The following ROBO1 variants were observed in gnomAD, a reference collection of about 807,000 sequenced individuals.
The protein encoded by ROBO1 is roundabout homolog 1.
Under a neutral mutation model 195.9 loss-of-function variants are expected in ROBO1, and 149 were observed. The ratio of observed to expected loss-of-function variants is 0.76; its 90% confidence interval spans 0.67 to 0.87. The LOEUF (loss-of-function observed/expected upper bound fraction) is 0.87, where lower values mean the gene tolerates loss of function less well. Among genes scored for constraint, ROBO1 ranks in the 40% least tolerant of loss-of-function variants. ROBO1 has a pLI of 0.00. For synonymous variants in ROBO1, 816 were observed against 733.2 expected, an observed-to-expected ratio of 1.11 and a Z score of -1.82; for missense variants, 1,933 against 2,068.3, an observed-to-expected ratio of 0.93 and a Z score of 1.27.
intron 4 of ROBO1, among the ~76,000 whole-genome samples, chr3:78,921,793 C>CTT (rs749601936): frequency 7.0e-6 from 1 of 141,990 alleles, no homozygotes; most frequent in African/African-American, 2.6e-5. Context: ...TCTAACAATC[C>CTT]TTTTTTTTTT....
intron 4 of ROBO1, among the ~76,000 whole-genome samples, chr3:78,881,099 A>G (rs2036151830): frequency 1.3e-5 from 2 of 152,198 alleles, no homozygotes; most frequent in Admixed American, 1.3e-4. Context: ...TATTCAGCTC[A>G]GTAGTGGTTG....
At chr3:78,682,701 CA>C (rs1399504383) in intron 10 of ROBO1, among the ~76,000 whole-genome samples, 4 of 145,018 alleles carry the variant, frequency 2.8e-5, no homozygotes, top group Admixed American at 2.1e-4. Flanking sequence ...ACAGTAATAT[CA>C]AAAAATATAT....
chr3:79,716,856 G>T (rs1368320085), intron 1 of ROBO1, among the ~76,000 whole-genome samples: 4 of 151,968 alleles, frequency 2.6e-5, no homozygotes, highest in African/African-American at 9.7e-5. Flanking sequence ...ATGACATTTT[G>T]TTGATAAGGG....
At chr3:79,204,029 T>C (rs1576810735) in intron 2 of ROBO1, among the ~76,000 whole-genome samples, 1 of 152,220 alleles carries the variant, frequency 6.6e-6, no homozygotes, top group South Asian at 2.1e-4. Context: ...ATATTTGTTA[T>C]GGATTTGATA....
Position 79,600,926 on chromosome 3 carries a change from T to C in ROBO1, c.-50-10965A>G, listed in dbSNP as rs565600105. Among the ~76,000 whole-genome samples the C allele has an allele frequency of 5.4e-4, 82 of 152,084 alleles. No individual in the cohort carries two copies. The South Asian group carries it at 0.016, about 30-fold the overall frequency. On this transcript the variant is annotated intron_variant, in intron 1 of 30. Transcript: ENST00000464233. ...TTATTTGACAACTTACTATGCACCATCCTAAGATACAAAAATGAATGACAG... is the reference window on the plus strand; with the variant it reads ...TTATTTGACAACTTACTATGCACCACCCTAAGATACAAAAATGAATGACAG...
chr3:79,044,895 C>T (rs1449523655), intron 3 of ROBO1, among the ~76,000 whole-genome samples: 1 of 151,676 alleles, frequency 6.6e-6, no homozygotes, highest in Non-Finnish European at 1.5e-5. Flanking sequence ...TCAGTTTCCC[C>T]TTTTTTTGTT....
rs895598922 is a variant in ROBO1 at position 78,688,902 on chromosome 3, C to CA, written c.1046-131dup. On this transcript the variant is annotated intron_variant, in intron 8 of 30. Coordinates refer to ENST00000464233, the MANE Select transcript of ROBO1 (RefSeq NM_002941.4). ...GTTATGTAAAACAGTCATGATATAC[C>CA]AATTCTTGTCCTTAATTTGAAACTA... The CA allele has an allele frequency of 6.6e-5, 54 of 822,270 alleles. No individual in the cohort carries two copies. The African/African-American group carries it at 8.0e-4, about 12-fold the overall frequency. The allele number at this position is 822,270 out of a possible 1,614,324, so 50.9% of individuals were successfully genotyped here. A position where few individuals can be genotyped will look rare whatever the true frequency, so the allele number is the denominator to read the frequency against.
At chr3:78,845,933 T>TG (rs2033639678) in intron 4 of ROBO1, among the ~76,000 whole-genome samples, 1 of 152,158 alleles carries the variant, frequency 6.6e-6, no homozygotes, top group South Asian at 2.1e-4. Flanking sequence ...ACTCTGGTAG[T>TG]GTTCCCTACT....
At chr3:78,701,331 T>C (rs1428135736) in intron 8 of ROBO1, among the ~76,000 whole-genome samples, 2 of 152,234 alleles carry the variant, frequency 1.3e-5, no homozygotes, top group Non-Finnish European at 2.9e-5. Context: ...AAATAACTTG[T>C]TCTGCATTTT....
chr3:78,666,266 C>T (rs1471238560), intron 14 of ROBO1, among the ~76,000 whole-genome samples: 3 of 152,130 alleles, frequency 2.0e-5, no homozygotes, highest in African/African-American at 7.2e-5. Context: ...TTATTAGCAG[C>T]GTGAGAAGAG....
intron 4 of ROBO1, among the ~76,000 whole-genome samples, chr3:78,802,592 T>C (rs964686784): frequency 6.6e-6 from 1 of 152,110 alleles, no homozygotes; most frequent in Non-Finnish European, 1.5e-5. Flanking sequence ...TTCTGAGATA[T>C]ACCTGAATTC....
At chr3:79,121,759 G>A (rs910270587) in intron 3 of ROBO1, among the ~76,000 whole-genome samples, 5 of 151,972 alleles carry the variant, frequency 3.3e-5, no homozygotes, top group South Asian at 2.1e-4. Flanking sequence ...GGGACAAAGG[G>A]TATATTTTAG....
intron 4 of ROBO1, among the ~76,000 whole-genome samples, chr3:78,916,526 T>G (rs1170145552): frequency 7.2e-6 from 1 of 139,098 alleles, no homozygotes; most frequent in African/African-American, 2.8e-5. Flanking sequence ...CACTCCAGCC[T>G]GGACAACAGA....
intron 10 of ROBO1, among the ~76,000 whole-genome samples, chr3:78,678,594 C>G (rs535424755): frequency 5.9e-5 from 9 of 151,962 alleles, no homozygotes; most frequent in South Asian, 2.1e-4. Context: ...ATAAATTCCT[C>G]GACACATACA....
intron 2 of ROBO1, among the ~76,000 whole-genome samples, chr3:79,330,808 T>A (rs899898604): frequency 6.6e-6 from 1 of 151,610 alleles, no homozygotes; most frequent in Non-Finnish European, 1.5e-5. Context: ...AGTTTGAAAC[T>A]CAGGCTTCTA....
chr3:79,409,994 T>G lies in ROBO1; in HGVS notation c.88+179830A>C, dbSNP rs974091167. On this transcript the variant is annotated intron_variant, in intron 2 of 30. Coordinates refer to ENST00000464233, the MANE Select transcript of ROBO1 (RefSeq NM_002941.4). ...CTTTTAAAAATATGGCCCCTAAGCTTACTGAGAAACTGAGGTATGGGATTT... is the reference window on the plus strand; with the variant it reads ...CTTTTAAAAATATGGCCCCTAAGCTGACTGAGAAACTGAGGTATGGGATTT... Among the ~76,000 whole-genome samples the G allele has an allele frequency of 1.1e-4, 16 of 152,218 alleles. No individual in the cohort carries two copies. In the South Asian group the frequency reaches 1.9e-3, roughly 18 times the overall value.
intron 4 of ROBO1, among the ~76,000 whole-genome samples, chr3:78,933,130 T>C (rs556546850): frequency 1.2e-4 from 18 of 152,256 alleles, no homozygotes; most frequent in African/African-American, 4.3e-4. Context: ...TGAGGTTATT[T>C]ATTGCTAGAA....
intron 3 of ROBO1, among the ~76,000 whole-genome samples, chr3:79,090,022 C>T (rs1221977221): frequency 2.6e-5 from 4 of 151,374 alleles, no homozygotes; most frequent in Non-Finnish European, 5.9e-5. Flanking sequence ...TCACTGCAAC[C>T]TCCATCTCCC....
chr3:78,972,058 GC>G (rs1472514475), intron 3 of ROBO1, among the ~76,000 whole-genome samples: 5 of 152,140 alleles, frequency 3.3e-5, no homozygotes, highest in Admixed American at 1.3e-4. Flanking sequence ...GAGCCGCCGC[GC>G]CCGGCCTTAA....
Sources: allele counts gnomAD v4.1 joint callset (sites outside exome capture counted in the v4.1 genomes callset), GRCh38; gene constraint gnomAD v4.1.1; transcripts MANE v1.5; gene names NCBI Gene and HGNC (gene_info 2026-07-23, HGNC 2026-07-21).